BNC2: variants seen among roughly 807,000 people sequenced by gnomAD.
The protein encoded by BNC2 is zinc finger protein basonuclin-2.
A neutral mutation model predicts 76.3 loss-of-function variants in BNC2; 20 were observed. The ratio of observed to expected loss-of-function variants is 0.26; its 90% CI spans 0.18 to 0.38. BNC2 has a LOEUF of 0.38. Ranked by LOEUF, BNC2 falls within the 10% of genes least tolerant of loss-of-function variation. The probability of loss-of-function intolerance (pLI) is 1.00; values close to 1 mark genes in which losing one functional copy is unlikely to be tolerated. For synonymous variants in BNC2, 582 were observed against 514.8 expected, an observed-to-expected ratio of 1.13 and a Z score of -1.77; for missense variants, 1,382 against 1,399.8, an observed-to-expected ratio of 0.99 and a Z score of 0.20.
intron 3 of BNC2, among the ~76,000 whole-genome samples, chr9:16,621,813 A>G (rs1388780699): frequency 6.6e-6 from 1 of 152,212 alleles, no homozygotes; most frequent in Non-Finnish European, 1.5e-5. Context: ...TGAAAAAAGA[A>G]AAGAAAATGT....
At chr9:16,573,400 T>C (rs1819387041) in intron 4 of BNC2, among the ~76,000 whole-genome samples, 1 of 152,224 alleles carries the variant, frequency 6.6e-6, no homozygotes, top group African/African-American at 2.4e-5. Flanking sequence ...TTACATTCTT[T>C]TTTTAAATAA....
chr9:16,829,510 T>A (rs555227747), intron 1 of BNC2, among the ~76,000 whole-genome samples: 1 of 152,310 alleles, frequency 6.6e-6, no homozygotes, highest in East Asian at 1.9e-4. Flanking sequence ...AAACATTTTT[T>A]AAAAATATTT....
chr9:16,540,772 A>G (rs1818296281), intron 5 of BNC2, among the ~76,000 whole-genome samples: 1 of 152,166 alleles, frequency 6.6e-6, no homozygotes, highest in African/African-American at 2.4e-5. Context: ...CCCTAATAAG[A>G]GCTGTTCACA....
At chr9:16,772,164 A>C (rs1326110609) in intron 1 of BNC2, among the ~76,000 whole-genome samples, 1 of 152,176 alleles carries the variant, frequency 6.6e-6, no homozygotes, top group Non-Finnish European at 1.5e-5. Flanking sequence ...TATTTAATGA[A>C]AGGTTTCCAG....
chr9:16,477,508 T>C (rs1430849856), intron 5 of BNC2, among the ~76,000 whole-genome samples: 2 of 152,182 alleles, frequency 1.3e-5, no homozygotes, highest in African/African-American at 4.8e-5. Flanking sequence ...GAATTAGTTA[T>C]TTGTCTCTTA....
At chr9:16,764,440 G>T (rs192156233) in intron 1 of BNC2, among the ~76,000 whole-genome samples, 1 of 152,082 alleles carries the variant, frequency 6.6e-6, no homozygotes, top group Non-Finnish European at 1.5e-5. Context: ...CATTCATCTG[G>T]TAAGTAACCC....
At chr9:16,839,067 G>C (rs1483064313) in intron 1 of BNC2, among the ~76,000 whole-genome samples, 1 of 152,202 alleles carries the variant, frequency 6.6e-6, no homozygotes, top group Non-Finnish European at 1.5e-5. Context: ...CTTGCAGAAA[G>C]AGCTGATACA....
rs1187752553 is a variant in BNC2 at position 16,576,025 on chromosome 9, T to C, written c.433+6958A>G. Reference sequence around the variant, plus strand: ...GATAGTGTTTCTATCCTTGTGTTTCTGAACAAAGCCCTAGAAACATTTCCC... The same window carrying C: ...GATAGTGTTTCTATCCTTGTGTTTCCGAACAAAGCCCTAGAAACATTTCCC... On this transcript the variant is annotated intron_variant, in intron 4 of 6. Coordinates refer to ENST00000380672, the MANE Select transcript of BNC2 (RefSeq NM_017637.6). Among the ~76,000 whole-genome samples the C allele has an allele frequency of 2.6e-5, 4 of 152,362 alleles. No individual in the cohort carries two copies. In the East Asian group the frequency reaches 7.7e-4, roughly 29 times the overall value.
chr9:16,439,386 G>A (rs955709422), intron 5 of BNC2, among the ~76,000 whole-genome samples: 2 of 152,142 alleles, frequency 1.3e-5, no homozygotes, highest in African/African-American at 4.8e-5. Flanking sequence ...AATGAAGAAT[G>A]GTTCCAGATT....
chr9:16,629,800 C>T (rs549779163), intron 3 of BNC2, among the ~76,000 whole-genome samples: 1 of 152,168 alleles, frequency 6.6e-6, no homozygotes. Context: ...TGCTAACAAT[C>T]GTCTGAGCCT....
intron 5 of BNC2, among the ~76,000 whole-genome samples, chr9:16,550,807 A>G (rs575498728): frequency 6.6e-6 from 1 of 152,346 alleles, no homozygotes; most frequent in Non-Finnish European, 1.5e-5. Flanking sequence ...TTGGTTTGGA[A>G]TAAAGAAAGG....
intron 1 of BNC2, among the ~76,000 whole-genome samples, chr9:16,779,272 C>T (rs1434365775): frequency 6.7e-6 from 1 of 148,572 alleles, no homozygotes; most frequent in East Asian, 2.0e-4. Context: ...CTACTGCACT[C>T]CAGCCTGCGT....
At chr9:16,776,817 T>C (rs923864151) in intron 1 of BNC2, among the ~76,000 whole-genome samples, 2 of 152,178 alleles carry the variant, frequency 1.3e-5, no homozygotes, top group African/African-American at 2.4e-5. Context: ...TATGAAGGAA[T>C]CATTCTTTAA....
Position 16,513,697 on chromosome 9 carries a change from T to A in BNC2, c.669+38833A>T, listed in dbSNP as rs80146506. ...GAAAACTAGACTCTTCTTTGAAAGATGCTAGTTTCATTCAGAGTTGTACAT... is the reference window on the plus strand; with the variant it reads ...GAAAACTAGACTCTTCTTTGAAAGAAGCTAGTTTCATTCAGAGTTGTACAT... On this transcript the variant is annotated intron_variant, in intron 5 of 6. Coordinates refer to ENST00000380672, the MANE Select transcript of BNC2 (RefSeq NM_017637.6). Among the ~76,000 whole-genome samples, 470 of 152,284 alleles carry A rather than the reference T, an allele frequency of 3.1e-3. 3 individuals are homozygous for A. Among genetic ancestry groups the A allele is most frequent in the African/African-American group, 0.011 (456 of 41,562 alleles).
intron 6 of BNC2, 132 bp downstream of exon 6, chr9:16,435,423 A>G (rs1820986830): frequency 9.0e-7 from 1 of 1,111,906 alleles, no homozygotes. Context: ...TAGTTATCAC[A>G]TGATCACTGT....
At chr9:16,474,274 C>A (rs905384544) in intron 5 of BNC2, among the ~76,000 whole-genome samples, 2 of 152,112 alleles carry the variant, frequency 1.3e-5, no homozygotes, top group African/African-American at 4.8e-5. Flanking sequence ...ATACAAATCA[C>A]TATATGTTGT....
At chr9:16,452,269 T>G (rs1488263133) in intron 5 of BNC2, among the ~76,000 whole-genome samples, 1 of 152,192 alleles carries the variant, frequency 6.6e-6, no homozygotes, top group Admixed American at 6.5e-5. Context: ...GTGGTACATT[T>G]TCTTGATCAA....
At chr9:16,448,857 T>A (rs764831224) in intron 5 of BNC2, among the ~76,000 whole-genome samples, 1 of 152,230 alleles carries the variant, frequency 6.6e-6, no homozygotes, top group Non-Finnish European at 1.5e-5. Flanking sequence ...CTTTGATTGC[T>A]CAGATTAAAT....
At chr9:16,867,348 T>A (rs944244464) in intron 1 of BNC2, 9 of 152,174 alleles carry the variant, frequency 5.9e-5, no homozygotes, top group African/African-American at 2.2e-4. Flanking sequence ...TTTTTTATTG[T>A]TTAATCTTAC....
Sources: allele counts gnomAD v4.1 joint callset (sites outside exome capture counted in the v4.1 genomes callset), GRCh38; gene constraint gnomAD v4.1.1; transcripts MANE v1.5; gene names NCBI Gene and HGNC (gene_info 2026-07-23, HGNC 2026-07-21).